Variants in RANBP17 observed in about 807,000 individuals in gnomAD.
RANBP17 encodes the protein RAN binding protein 17.
Under a neutral mutation model 141.2 loss-of-function variants are expected in RANBP17, and 158 were observed. The ratio of observed to expected loss-of-function variants is 1.12; its 90% confidence interval spans 0.98 to 1.28. RANBP17 has a LOEUF of 1.28. RANBP17 is among the 50% of genes most tolerant of loss of function. The pLI, the probability that RANBP17 is intolerant of heterozygous loss-of-function variation, is 0.00. For synonymous variants in RANBP17, 430 were observed against 450.0 expected (o/e 0.96, Z 0.56); for missense variants, 1,438 against 1,290.7 (o/e 1.11, Z -1.75).
intron 12 of RANBP17, among the ~76,000 whole-genome samples, chr5:170,950,719 C>T (rs1775146348): frequency 1.3e-5 from 2 of 152,168 alleles, no homozygotes; most frequent in Admixed American, 1.3e-4. Context: ...TCCAGCAATC[C>T]CAATACTGGG....
At chr5:171,202,416 GA>G (rs1421572334) in intron 19 of RANBP17, among the ~76,000 whole-genome samples, 1 of 152,134 alleles carries the variant, frequency 6.6e-6, no homozygotes, top group Non-Finnish European at 1.5e-5. Context: ...ACTTCTCAGA[GA>G]AAGAGAAGCA....
intron 14 of RANBP17, among the ~76,000 whole-genome samples, chr5:171,029,435 T>C (rs918605190): frequency 5.9e-5 from 9 of 151,808 alleles, no homozygotes; most frequent in African/African-American, 1.9e-4. Flanking sequence ...TTTGATTATG[T>C]TTGTAGATGG....
At chr5:171,257,289 A>G (rs1193940692) in intron 24 of RANBP17, among the ~76,000 whole-genome samples, 1 of 152,238 alleles carries the variant, frequency 6.6e-6, no homozygotes, top group Non-Finnish European at 1.5e-5. Context: ...ACATCACATC[A>G]ACAAAATTAA....
chr5:170,994,139 C>T (rs192813703), intron 14 of RANBP17, among the ~76,000 whole-genome samples: 2 of 152,076 alleles, frequency 1.3e-5, no homozygotes, highest in African/African-American at 4.8e-5. Context: ...GAAGCATCTC[C>T]CCCACCCCAC....
chr5:170,884,318 A>T (rs550897472), intron 3 of RANBP17, among the ~76,000 whole-genome samples: 1 of 152,118 alleles, frequency 6.6e-6, no homozygotes, highest in Non-Finnish European at 1.5e-5. Flanking sequence ...CTCCCCCAAA[A>T]CTTAACTGCT....
chr5:170,927,230 T>C (rs909413053), intron 12 of RANBP17, among the ~76,000 whole-genome samples: 16 of 152,114 alleles, frequency 1.1e-4, no homozygotes, highest in Admixed American at 2.0e-4. Flanking sequence ...CCACTAGAAA[T>C]GTATGAGATT....
At chr5:171,023,066 C>T (rs1780988410) in intron 14 of RANBP17, among the ~76,000 whole-genome samples, 1 of 152,250 alleles carries the variant, frequency 6.6e-6, no homozygotes, top group South Asian at 2.1e-4. Context: ...CACTACACCA[C>T]ATTGTTCTTC....
intron 14 of RANBP17, among the ~76,000 whole-genome samples, chr5:170,986,078 G>C (rs1245000123): frequency 2.0e-5 from 3 of 152,036 alleles, no homozygotes; most frequent in Non-Finnish European, 4.4e-5. Context: ...GATTTCCCCA[G>C]CTCACGCTTG....
At chr5:171,037,268 A>G (rs1781943112) in intron 14 of RANBP17, among the ~76,000 whole-genome samples, 2 of 151,922 alleles carry the variant, frequency 1.3e-5, no homozygotes, top group South Asian at 2.1e-4. Flanking sequence ...GTGTTGATTC[A>G]TGTCCTTTGC....
intron 24 of RANBP17, among the ~76,000 whole-genome samples, chr5:171,250,890 C>A (rs1287766885): frequency 6.6e-6 from 1 of 152,170 alleles, no homozygotes; most frequent in South Asian, 2.1e-4. Flanking sequence ...TAGTGGAGGA[C>A]TTCAACATGC....
intron 25 of RANBP17, among the ~76,000 whole-genome samples, chr5:171,267,571 G>C (rs1187156103): frequency 6.6e-6 from 1 of 152,144 alleles, no homozygotes; most frequent in Non-Finnish European, 1.5e-5. Context: ...ACCTTTGGGA[G>C]GCCAAGGCAG....
chr5:171,060,292 G>T (rs1783718798), intron 14 of RANBP17, among the ~76,000 whole-genome samples: 2 of 137,472 alleles, frequency 1.5e-5, no homozygotes, highest in African/African-American at 2.6e-5. Flanking sequence ...TATGATATTG[G>T]CTGTGGGTTT....
At chr5:170,883,624 G>T (rs959076934) in intron 3 of RANBP17, among the ~76,000 whole-genome samples, 3 of 151,906 alleles carry the variant, frequency 2.0e-5, no homozygotes, top group African/African-American at 7.3e-5. Flanking sequence ...CCCCAACCCT[G>T]ATCTTTTTAC....
At chr5:171,205,440 A>G in intron 19 of RANBP17, 84 bp from the exon 20 acceptor site, 2 of 1,073,024 alleles carry the variant, frequency 1.9e-6, no homozygotes, top group Non-Finnish European at 2.8e-6. Context: ...AAAATCAGAT[A>G]TGTGGTCATT....
intron 14 of RANBP17, among the ~76,000 whole-genome samples, chr5:171,010,109 A>G (rs1779932442): frequency 6.6e-6 from 1 of 152,184 alleles, no homozygotes; most frequent in African/African-American, 2.4e-5. Flanking sequence ...CCAAATTTGT[A>G]TGCAGGTTTC....
chr5:171,056,877 C>T (rs1004291918), intron 14 of RANBP17, among the ~76,000 whole-genome samples: 5 of 152,054 alleles, frequency 3.3e-5, no homozygotes, highest in Non-Finnish European at 5.9e-5. Flanking sequence ...GCTTTCCAAC[C>T]AATCGGTCTC....
At chr5:171,215,834 A>C (rs1763181235) in intron 21 of RANBP17, among the ~76,000 whole-genome samples, 2 of 151,518 alleles carry the variant, frequency 1.3e-5, no homozygotes, top group Non-Finnish European at 2.9e-5. Flanking sequence ...GCTTGCAAAA[A>C]TTTTCTCCCA....
intron 14 of RANBP17, among the ~76,000 whole-genome samples, chr5:170,979,020 C>G (rs1777582692): frequency 6.6e-6 from 1 of 151,980 alleles, no homozygotes; most frequent in Non-Finnish European, 1.5e-5. Flanking sequence ...TTGGGTAACT[C>G]TATAAAACCA....
chr5:171,296,376 G>A lies in RANBP17; in HGVS notation c.3170+362G>A, dbSNP rs566927006. ...CTTCTTGGCATTTGAACAAACATAG[G>A]CCTTGAGGTCAGACAGACCCGAGAT... On this transcript the variant is annotated intron_variant, in intron 27 of 27. Coordinates refer to ENST00000523189, the MANE Select transcript of RANBP17 (RefSeq NM_022897.5). 9.7e-4 allele frequency among the ~76,000 whole-genome samples: 148 copies of A among 152,262 alleles called. 2 individuals are homozygous for A. The Middle Eastern group carries it at 0.014, about 14-fold the overall frequency.
Sources: allele counts gnomAD v4.1 joint callset (sites outside exome capture counted in the v4.1 genomes callset), GRCh38; gene constraint gnomAD v4.1.1; transcripts MANE v1.5; gene names NCBI Gene and HGNC (gene_info 2026-07-23, HGNC 2026-07-21).